The following ABCB11 variants were observed in gnomAD, a reference collection of about 807,000 sequenced individuals.
ABCB11 encodes the protein bile salt export pump.
Under a neutral mutation model 148.0 loss-of-function variants are expected in ABCB11, and 95 were observed. The observed-to-expected ratio is 0.64, with a 90% confidence interval of 0.54 to 0.76. The LOEUF (loss-of-function observed/expected upper bound fraction) is 0.76. Ranked by LOEUF, ABCB11 falls within the 30% of genes least tolerant of loss-of-function variation. The probability of loss-of-function intolerance (pLI) is 0.00; values close to 1 mark genes in which losing one functional copy is unlikely to be tolerated. For synonymous variants in ABCB11, 591 were observed against 555.4 expected (o/e 1.06, Z -0.90); for missense variants, 1,523 against 1,617.8 (o/e 0.94, Z 1.01).
intron 8 of ABCB11, 44 bp downstream of exon 8, chr2:168,993,667 A>T (rs1268345123): frequency 1.3e-6 from 2 of 1,571,116 alleles, no homozygotes; most frequent in Non-Finnish European, 1.7e-6. Context: ...CTGTTTATGA[A>T]GGCAAATGTC....
chr2:168,915,958 T>A (rs1389824246), downstream of ABCB11, among the ~76,000 whole-genome samples: 1 of 152,202 alleles, frequency 6.6e-6, no homozygotes, highest in Non-Finnish European at 1.5e-5. Context: ...TAACAATGAA[T>A]GCAACACTCA....
At chr2:169,001,540 G>A (rs185244307) in intron 5 of ABCB11, among the ~76,000 whole-genome samples, 25 of 152,200 alleles carry the variant, frequency 1.6e-4, no homozygotes, top group South Asian at 1.2e-3. Flanking sequence ...GACACCATGG[G>A]GGTGAGTGAG....
chr2:168,976,046 T>C (rs1182340263), intron 12 of ABCB11, among the ~76,000 whole-genome samples: 1 of 152,072 alleles, frequency 6.6e-6, no homozygotes, highest in African/African-American at 2.4e-5. Flanking sequence ...TTTTTCACCA[T>C]GTGCCCTGAA....
Position 168,920,907 on chromosome 2 carries a change from A to C in ABCB11, c.*2715T>G, listed in dbSNP as rs1691056347. On this transcript the variant is annotated 3_prime_UTR_variant, in exon 28 of 28. Coordinates refer to ENST00000650372, the MANE Select transcript of ABCB11 (RefSeq NM_003742.4). ...TTTAGACAATCTTTTCCCTGTCATC[A>C]ATAACTTTCAAGTATCTTATTTGAA... is the stretch of plus-strand genomic sequence containing the variant. Among the ~76,000 whole-genome samples the C allele has an allele frequency of 6.6e-6, 1 of 152,240 alleles. No individual in the cohort carries two copies. The highest frequency in any genetic ancestry group is 1.5e-5 in the Non-Finnish European group (1 of 68,048).
intron 27 of ABCB11, 112 bp downstream of exon 27, chr2:168,924,545 T>C: frequency 9.4e-7 from 1 of 1,065,888 alleles, no homozygotes; most frequent in Non-Finnish European, 1.3e-6. Context: ...TATTGCCAAT[T>C]TCTACTGTTA....
Position 168,924,649 on chromosome 2 carries a change from A to T in ABCB11, c.3765+8T>A, listed in dbSNP as rs1691224765. 1 of 1,613,582 alleles carries T rather than the reference A, an allele frequency of 6.2e-7. No individual in the cohort carries two copies. The highest frequency in any genetic ancestry group is 1.7e-5 in the Admixed American group (1 of 59,960). On this transcript the variant is annotated splice_region_variant and intron_variant, in intron 27 of 27. Coordinates refer to ENST00000650372, the MANE Select transcript of ABCB11 (RefSeq NM_003742.4). ...AATGATCTAAGACTTTAGAAATTCA[A>T]CACTTACCTTTTCACTTTCTGTGTC... is the stretch of plus-strand genomic sequence containing the variant.
intron 5 of ABCB11, among the ~76,000 whole-genome samples, chr2:168,998,152 A>C (rs188256498): frequency 2.6e-5 from 4 of 152,188 alleles, no homozygotes; most frequent in Admixed American, 1.3e-4. Flanking sequence ...AGTATACTAT[A>C]TTATTATAAG....
At chr2:168,935,108 A>C in intron 23 of ABCB11, 76 bp downstream of exon 23, 2 of 1,576,958 alleles carry the variant, frequency 1.3e-6, no homozygotes, top group East Asian at 2.3e-5. Context: ...CTAAGCAGCA[A>C]AAAGCTAACT....
At chr2:168,969,186 A>G (rs1693457653) in intron 16 of ABCB11, among the ~76,000 whole-genome samples, 164 bp downstream of exon 16, 1 of 151,570 alleles carries the variant, frequency 6.6e-6, no homozygotes, top group Non-Finnish European at 1.5e-5. Context: ...TAACTTGATC[A>G]GATAGCTTAG....
At chr2:168,987,371 A>T (rs1314213121) in intron 9 of ABCB11, among the ~76,000 whole-genome samples, 1 of 152,144 alleles carries the variant, frequency 6.6e-6, no homozygotes, top group Non-Finnish European at 1.5e-5. Flanking sequence ...TATTTTGGCC[A>T]TTTGGGTTTT....
chr2:168,940,149 C>T (rs1165469690), intron 21 of ABCB11, among the ~76,000 whole-genome samples: 1 of 152,034 alleles, frequency 6.6e-6, no homozygotes, highest in Admixed American at 6.6e-5. Context: ...TCACACATCT[C>T]TCACTTTAAA....
chr2:168,980,321 T>C (rs1057197387), intron 10 of ABCB11, among the ~76,000 whole-genome samples: 1 of 152,170 alleles, frequency 6.6e-6, no homozygotes, highest in African/African-American at 2.4e-5. Flanking sequence ...GAATTCATTA[T>C]ATAATCAGCC....
At chr2:168,986,351 C>A in intron 9 of ABCB11, 67 bp from the exon 10 acceptor site, 1 of 1,348,804 alleles carries the variant, frequency 7.4e-7, no homozygotes, top group Non-Finnish European at 1.0e-6. Context: ...TTAAAACAGG[C>A]CGTGATGCAG....
intron 16 of ABCB11, among the ~76,000 whole-genome samples, chr2:168,968,808 A>G (rs916262834): frequency 1.3e-5 from 2 of 151,780 alleles, no homozygotes; most frequent in African/African-American, 4.8e-5. Flanking sequence ...AAATGATAGA[A>G]ACACTAAACT....
downstream of ABCB11, among the ~76,000 whole-genome samples, chr2:168,920,546 A>G (rs1180841007): frequency 3.4e-5 from 5 of 147,390 alleles, no homozygotes; most frequent in Non-Finnish European, 7.5e-5. Flanking sequence ...CAATCCTTCT[A>G]TTTTTTTTTT....
chr2:168,916,283 T>G (rs1690939811), downstream of ABCB11, among the ~76,000 whole-genome samples: 1 of 152,246 alleles, frequency 6.6e-6, no homozygotes, highest in South Asian at 2.1e-4. Context: ...AGCTCTCCTG[T>G]TCTCACATTT....
chr2:168,918,393 T>C (rs1231373608), downstream of ABCB11, among the ~76,000 whole-genome samples: 1 of 152,160 alleles, frequency 6.6e-6, no homozygotes, highest in Non-Finnish European at 1.5e-5. Flanking sequence ...GTTACCAAAA[T>C]TTGGCAGAAA....
At chr2:169,000,173 A>G (rs1024411446) in intron 5 of ABCB11, among the ~76,000 whole-genome samples, 3 of 151,970 alleles carry the variant, frequency 2.0e-5, no homozygotes, top group African/African-American at 7.2e-5. Flanking sequence ...TTTAACACTG[A>G]GTTTTGAGAA....
Position 168,964,252 on chromosome 2 carries a change from G to T in ABCB11, c.2132C>A (p.Pro711Gln). 6.4e-7 allele frequency: 1 copy of T among 1,570,398 alleles called. No homozygotes were observed. The highest frequency in any genetic ancestry group is 2.3e-5 in the East Asian group (1 of 42,788). Residue 711 changes from proline to glutamine, a missense_variant, in exon 18 of 28, where the codon CCA becomes CAA. Transcript: ENST00000650372. ...AGACTTATGATCTACAACAGCTAAT[G>T]GAGGTTCGTGCACCAGGTAAGAAAG... ...SQLSYLVHEP[P>Q]LAVVDHKSTY... is the part of the protein sequence containing the mutation.
Sources: gnomAD v4.1 joint callset for allele counts (sites outside exome capture counted in the v4.1 genomes callset) on GRCh38, gnomAD v4.1.1 for gene constraint, MANE v1.5 for transcripts, NCBI Gene and HGNC (gene_info 2026-07-23, HGNC 2026-07-21) for gene names.